Variants in DNAJC2 observed in about 807,000 individuals in gnomAD.
DNAJC2 encodes dnaJ homolog subfamily C member 2.
In DNAJC2, 32 loss-of-function variants were observed where a neutral mutation model predicts 94.0. The ratio of observed to expected loss-of-function variants is 0.34; its 90% CI spans 0.26 to 0.46. The LOEUF (loss-of-function observed/expected upper bound fraction) is 0.46, where lower values mean the gene tolerates loss of function less well. Among genes scored for constraint, DNAJC2 ranks in the 20% least tolerant of loss-of-function variants. DNAJC2 has a pLI of 1.00. For missense variants in DNAJC2, 550 were observed against 719.5 expected, an observed-to-expected ratio of 0.76 and a Z score of 2.69; for synonymous variants, 210 against 229.7, an observed-to-expected ratio of 0.91 and a Z score of 0.77.
At chr7:103,333,405 T>C (rs1819047985) in intron 3 of DNAJC2, among the ~76,000 whole-genome samples, 1 of 152,204 alleles carries the variant, frequency 6.6e-6, no homozygotes, top group Non-Finnish European at 1.5e-5. Context: ...AAAAAGTCTA[T>C]TAGCATAATT....
chr7:103,344,178 G>A (rs2116083060), intron 1 of DNAJC2: 1 of 230,820 alleles, frequency 4.3e-6, no homozygotes, highest in Non-Finnish European at 8.4e-6. Flanking sequence ...AGCGCCAGTA[G>A]CAAAGCTTTG....
chr7:103,313,738 C>T (rs1817888607), intron 15 of DNAJC2: 1 of 985,112 alleles, frequency 1.0e-6, no homozygotes, highest in Non-Finnish European at 1.2e-6. Context: ...TTCAACTAAA[C>T]CTTGTATATT....
Position 103,341,913 on chromosome 7 carries a change from C to T in DNAJC2, c.106G>A (p.Glu36Lys). 1 of 1,611,090 alleles carries T rather than the reference C, an allele frequency of 6.2e-7. No individual in the cohort carries two copies. The highest frequency in any genetic ancestry group is 1.1e-5 in the South Asian group (1 of 90,286). The part of the protein sequence containing the change: ...CQVEPVGRWF[E>K]AFVKRRNRNA... The stretch of plus-strand genomic sequence containing the variant: ...CTGTTTCTCCTCTTAACAAAAGCTT[C>T]AAACCATCTTCCCACAGGTTCAACT... Residue 36 changes from glutamate to lysine, a missense_variant, in exon 2 of 17, where the codon GAA (glutamate) becomes AAA (lysine). Physicochemically the swap from Glu to Lys is moderately conservative, Grantham distance 56. This residue lies in a region of DNAJC2 where 279 missense variants were observed against 416.9 expected (regional missense o/e 0.67). Coordinates refer to ENST00000379263, the MANE Select transcript of DNAJC2 (RefSeq NM_014377.3).
Position 103,322,414 on chromosome 7 carries a change from G to C in DNAJC2, c.933+97C>G, listed in dbSNP as rs1174641654. ...CAGTAGCACCCAATTCTCTGCTTTC[G>C]AATTATAGTTTTTTTTAAAAAAAGA... On this transcript the variant is annotated intron_variant, in intron 9 of 16. Transcript: ENST00000379263. 4.1e-6 allele frequency: 5 copies of C among 1,227,828 alleles called. No homozygotes were observed. In the East Asian group the frequency reaches 1.0e-4, roughly 25 times the overall value. 76.1% of individuals were successfully genotyped at this position (1,227,828 alleles called of 1,614,324 possible). A position where few individuals can be genotyped will look rare whatever the true frequency, so the allele number is the denominator to read the frequency against.
chr7:103,327,277 C>G (rs901699793), intron 4 of DNAJC2: 7 of 1,021,944 alleles, frequency 6.8e-6, no homozygotes, highest in South Asian at 2.8e-5. Flanking sequence ...CATAAAGCAT[C>G]TGAAACGAAA....
chr7:103,335,072 G>T (rs1027419217), intron 3 of DNAJC2, among the ~76,000 whole-genome samples: 1 of 152,156 alleles, frequency 6.6e-6, no homozygotes, highest in African/African-American at 2.4e-5. Context: ...GACCTCAGGT[G>T]ATCCACCTGC....
intron 16 of DNAJC2, 136 bp downstream of exon 16, chr7:103,312,811 C>T (rs148899348): frequency 9.9e-6 from 15 of 1,515,798 alleles, no homozygotes; most frequent in Non-Finnish European, 1.2e-5. Context: ...ATTTCTTCCT[C>T]ATAATATTGA....
At chr7:103,315,173 T>G (rs1028711865) in intron 15 of DNAJC2, among the ~76,000 whole-genome samples, 1 of 148,730 alleles carries the variant, frequency 6.7e-6, no homozygotes, top group African/African-American at 2.4e-5. Context: ...CCTAACATTT[T>G]TTTTTTTTTT....
In DNAJC2 at chr7:103,316,811, G is replaced by A. The variant is rs1350418784; in HGVS notation, c.1427+19C>T. 1 of 1,605,378 alleles carries A rather than the reference G, an allele frequency of 6.2e-7. No individual in the cohort carries two copies. The highest frequency in any genetic ancestry group is 8.5e-7 in the Non-Finnish European group (1 of 1,175,590). On this transcript the variant is annotated intron_variant, in intron 13 of 16. Coordinates refer to ENST00000379263, the MANE Select transcript of DNAJC2 (RefSeq NM_014377.3). Reference sequence around the variant, plus strand: ...AGGCTCCAGTGTGAGTTGAAGAAAAGTTTCATTAAAACCAGTACCTTGAAT... The same window carrying A: ...AGGCTCCAGTGTGAGTTGAAGAAAAATTTCATTAAAACCAGTACCTTGAAT...
intron 5 of DNAJC2, among the ~76,000 whole-genome samples, chr7:103,325,261 T>C (rs968263679): frequency 1.3e-5 from 2 of 152,096 alleles, no homozygotes; most frequent in African/African-American, 4.8e-5. Context: ...CTGGCCAATA[T>C]GGTGAAACCC....
intron 15 of DNAJC2, chr7:103,314,599 T>C: frequency 1.0e-6 from 1 of 985,322 alleles, no homozygotes; most frequent in Non-Finnish European, 1.2e-6. Context: ...GAGAATAAAC[T>C]CCTTTATAAA....
chr7:103,313,540 C>G (rs1817877901), intron 15 of DNAJC2: 1 of 983,248 alleles, frequency 1.0e-6, no homozygotes, highest in African/African-American at 1.8e-5. Flanking sequence ...GGATAGAAAC[C>G]CTGGAAATCA....
chr7:103,331,351 A>G (rs1357459773), intron 3 of DNAJC2, among the ~76,000 whole-genome samples: 2 of 152,200 alleles, frequency 1.3e-5, no homozygotes, highest in African/African-American at 4.8e-5. Flanking sequence ...TATTATTTCT[A>G]TGTATTGTGA....
At chr7:103,340,515 A>G (rs1166267102) in intron 2 of DNAJC2, among the ~76,000 whole-genome samples, 1 of 152,352 alleles carries the variant, frequency 6.6e-6, no homozygotes. Flanking sequence ...AGTGCTTTAT[A>G]AGCATCCTTT....
intron 15 of DNAJC2, chr7:103,313,905 T>G: frequency 1.0e-6 from 1 of 985,430 alleles, no homozygotes; most frequent in African/African-American, 1.7e-5. Context: ...TATTTCAGAC[T>G]ATGCAGTGAC....
At chr7:103,325,575 C>G (rs1818662979) in intron 5 of DNAJC2, among the ~76,000 whole-genome samples, 1 of 152,166 alleles carries the variant, frequency 6.6e-6, no homozygotes, top group South Asian at 2.1e-4. Context: ...ACCTGGGAGC[C>G]TTAAAAATCC....
rs1819540350 is a variant in DNAJC2, at chr7:103,344,740, C to G, written c.-118G>C. On this transcript the variant is annotated 5_prime_UTR_variant, in exon 1 of 17. Transcript: ENST00000379263. ...CCTCGCGCCTTGGCTCTAAGACGCC[C>G]AGGAACCGGCGCATGGAGACGACCA... is the stretch of plus-strand genomic sequence containing the variant. 3.9e-6 allele frequency: 4 copies of G among 1,032,344 alleles called. No individual in the cohort carries two copies. The Admixed American group carries it at 8.0e-5, about 21-fold the overall frequency. 63.9% of individuals were successfully genotyped at this position (1,032,344 alleles called of 1,614,324 possible).
chr7:103,313,132 G>A (rs1421658777), intron 15 of DNAJC2, 31 bp from the exon 16 acceptor site: 2 of 1,584,842 alleles, frequency 1.3e-6, no homozygotes, highest in Admixed American at 3.7e-5. Context: ...TTTGAAAACT[G>A]TCTTTGAACA....
intron 5 of DNAJC2, 80 bp downstream of exon 5, chr7:103,326,463 G>C: frequency 1.5e-6 from 2 of 1,372,442 alleles, no homozygotes; most frequent in East Asian, 2.3e-5. Flanking sequence ...ACTATTATCA[G>C]AGGGAAAGAG....
Sources: allele counts gnomAD v4.1 joint callset (sites outside exome capture counted in the v4.1 genomes callset), GRCh38; gene constraint gnomAD v4.1.1; regional missense constraint gnomAD v4.1.1; transcripts MANE v1.5; gene names NCBI Gene and HGNC (gene_info 2026-07-23, HGNC 2026-07-21).